The following CATSPER3 variants were observed in gnomAD, a reference collection of about 807,000 sequenced individuals.
CATSPER3 encodes cation channel sperm associated 3, also known as cation channel sperm-associated protein 3.
CATSPER3 carries 23 observed loss-of-function variants against 36.6 expected under a neutral mutation model. That is an observed-to-expected ratio of 0.63 (90% CI 0.45 to 0.89). CATSPER3 has a LOEUF of 0.89. CATSPER3 is among the 40% of genes least tolerant of loss of function. CATSPER3 has a pLI of 0.00. For synonymous variants in CATSPER3, 172 were observed against 184.1 expected, an observed-to-expected ratio of 0.93 and a Z score of 0.53; for missense variants, 474 against 503.9, an observed-to-expected ratio of 0.94 and a Z score of 0.57.
chr5:135,002,633 C>T (rs895770795), intron 3 of CATSPER3, among the ~76,000 whole-genome samples: 2 of 152,200 alleles, frequency 1.3e-5, no homozygotes, highest in Admixed American at 1.3e-4. Flanking sequence ...TTCACATAGT[C>T]CCATATTTCT....
In CATSPER3 at chr5:134,994,176, G is replaced by A. The variant is rs781072631; in HGVS notation, c.253-2097G>A. On this transcript the variant is annotated intron_variant, in intron 2 of 7. Coordinates refer to ENST00000282611, the MANE Select transcript of CATSPER3 (RefSeq NM_178019.3). ...GTCAATGTGATAAGTCGGTGTGGGAGAAGATATTTGTAACACATATAACAG... is the reference window on the plus strand; with the variant it reads ...GTCAATGTGATAAGTCGGTGTGGGAAAAGATATTTGTAACACATATAACAG... Among the ~76,000 whole-genome samples, 6 of 152,288 alleles carry A rather than the reference G, an allele frequency of 3.9e-5. No homozygotes were observed. In the South Asian group the frequency reaches 8.3e-4, roughly 21 times the overall value.
In CATSPER3 at chr5:134,986,227, C is replaced by G. The variant is rs369624523; in HGVS notation, c.253-10046C>G. Among the ~76,000 whole-genome samples the G allele has an allele frequency of 4.6e-5, 7 of 151,754 alleles. No individual in the cohort carries two copies. In the South Asian group the frequency reaches 6.3e-4, roughly 14 times the overall value. On this transcript the variant is annotated intron_variant, in intron 2 of 7. Coordinates refer to ENST00000282611, the MANE Select transcript of CATSPER3 (RefSeq NM_178019.3). Reference sequence around the variant, plus strand: ...TGGCACAATCTCAGCTCACTGCAACCTCTGACTCCTGGGTTCAAGCGATCC... The same window carrying G: ...TGGCACAATCTCAGCTCACTGCAACGTCTGACTCCTGGGTTCAAGCGATCC...
rs187252048 is a variant in CATSPER3 at position 134,997,821 on chromosome 5, G to T, written c.492+1309G>T. Reference sequence around the variant, plus strand: ...CAGCTGCCCTCTGGGCATCTCACAGGCTTCTCAAATTTGATGTGTCTAAAC... The same window carrying T: ...CAGCTGCCCTCTGGGCATCTCACAGTCTTCTCAAATTTGATGTGTCTAAAC... On this transcript the variant is annotated intron_variant, in intron 3 of 7. Transcript: ENST00000282611. Among the ~76,000 whole-genome samples, 6 of 152,032 alleles carry T rather than the reference G, an allele frequency of 3.9e-5. No homozygotes were observed. The East Asian group carries it at 1.2e-3, about 29-fold the overall frequency.
At position 135,008,927 on chromosome 5, in the gene CATSPER3, C is replaced by A; in HGVS notation, c.762C>A (p.Leu254=). ...CATTCACCATCATCTTCATCTTGCT[C>A]GCCTCTTTCATCTTCCTCAACATGT... ...SRAFTIIFIL[L]ASFIFLNMFV... The change falls in exon 5 of 8, where the codon CTC becomes CTA. Residue 254 remains leucine, a synonymous_variant. Transcript: ENST00000282611. 1 of 1,613,860 alleles carries A rather than the reference C, an allele frequency of 6.2e-7. No homozygotes were observed. The highest frequency in any genetic ancestry group is 2.2e-5 in the East Asian group (1 of 44,886).
At chr5:135,004,105 G>T (rs919030235) in intron 3 of CATSPER3, among the ~76,000 whole-genome samples, 2 of 152,158 alleles carry the variant, frequency 1.3e-5, no homozygotes, top group Non-Finnish European at 1.5e-5. Flanking sequence ...CCAGTATTTC[G>T]TCTTTTGGTA....
chr5:134,977,319 A>G (rs1407523562), intron 2 of CATSPER3, among the ~76,000 whole-genome samples: 1 of 152,178 alleles, frequency 6.6e-6, no homozygotes, highest in Non-Finnish European at 1.5e-5. Context: ...AGCAGCCAGG[A>G]CACATCTTGA....
intron 2 of CATSPER3, among the ~76,000 whole-genome samples, chr5:134,989,512 A>G (rs1481878634): frequency 6.6e-6 from 1 of 152,212 alleles, no homozygotes; most frequent in Non-Finnish European, 1.5e-5. Context: ...CAGCACTTGT[A>G]CTTTTATGTT....
intron 1 of CATSPER3, 43 bp from the exon 2 acceptor site, chr5:134,969,895 CT>C (rs767208333): frequency 1.2e-6 from 2 of 1,606,268 alleles, no homozygotes; most frequent in Non-Finnish European, 1.7e-6. Flanking sequence ...GGGGATCTAG[CT>C]CTATTGTGCT....
At position 134,996,508 on chromosome 5, in the gene CATSPER3, T is replaced by G; in HGVS notation, c.488T>G (p.Ile163Ser). 1 of 1,614,014 alleles carries G rather than the reference T, an allele frequency of 6.2e-7. No homozygotes were observed. The change falls in exon 3 of 8, where the codon ATC becomes AGC. Residue 163 changes from isoleucine to serine, a missense_variant. Physicochemically the swap from Ile to Ser is moderately radical, Grantham distance 142. Transcript: ENST00000282611. ...AAGCTTATCGGCTATAGCCAGGGCA[T>G]CCGGGTGAGTGCACTGGGGGTGTCA... ...ILKLIGYSQGIRTLITAVGQT... is the reference protein window; with the variant it reads ...ILKLIGYSQGSRTLITAVGQT...
At chr5:135,009,613 T>TGTAGAGAGC in intron 6 of CATSPER3, 123 bp downstream of exon 6, 240 of 730,064 alleles carry the variant, frequency 3.3e-4, no homozygotes, top group Non-Finnish European at 5.1e-4. Context: ...TCTGCAGCCT[T>TGTAGAGAGC]AGGTAAGACA....
At chr5:134,995,456 G>A (rs1435427982) in intron 2 of CATSPER3, among the ~76,000 whole-genome samples, 7 of 151,984 alleles carry the variant, frequency 4.6e-5, no homozygotes, top group South Asian at 2.1e-4. Flanking sequence ...CCAACCTGGC[G>A]AGTCCCTTTA....
chr5:134,973,351 T>G (rs2149545304), intron 2 of CATSPER3, among the ~76,000 whole-genome samples: 1 of 152,256 alleles, frequency 6.6e-6, no homozygotes, highest in Non-Finnish European at 1.5e-5. Flanking sequence ...TCAAAATCAT[T>G]TTCAGTAATC....
intron 2 of CATSPER3, among the ~76,000 whole-genome samples, chr5:134,976,263 A>G (rs1220147414): frequency 6.6e-6 from 1 of 152,108 alleles, no homozygotes; most frequent in Non-Finnish European, 1.5e-5. Flanking sequence ...AGCCTGAGTG[A>G]TGATCTGTGA....
intron 2 of CATSPER3, among the ~76,000 whole-genome samples, chr5:134,980,612 G>A (rs911533531): frequency 6.6e-6 from 1 of 151,442 alleles, no homozygotes; most frequent in African/African-American, 2.4e-5. Context: ...TGTATTTTTA[G>A]TAGACATGGG....
intron 2 of CATSPER3, among the ~76,000 whole-genome samples, chr5:134,994,965 C>G (rs1450030471): frequency 6.6e-6 from 1 of 150,830 alleles, no homozygotes; most frequent in African/African-American, 2.4e-5. Context: ...CTTCCTTCCT[C>G]TCTGCCTCCT....
Position 135,008,288 on chromosome 5 carries a change from C to T in CATSPER3, c.675+149C>T. The T allele has an allele frequency of 7.4e-6, 5 of 673,536 alleles. No homozygotes were observed. In the South Asian group the frequency reaches 8.9e-5, roughly 12 times the overall value. The allele number at this position is 673,536 out of a possible 1,614,324, so 41.7% of individuals were successfully genotyped here. Reference sequence around the variant, plus strand: ...CCTAGGGAAGCTGGGGTCTGTTCCCCATCACAAGCCAGCACCCTGCACGGG... The same window carrying T: ...CCTAGGGAAGCTGGGGTCTGTTCCCTATCACAAGCCAGCACCCTGCACGGG... On this transcript the variant is annotated intron_variant, in intron 4 of 7. Coordinates refer to ENST00000282611, the MANE Select transcript of CATSPER3 (RefSeq NM_178019.3).
chr5:135,009,086 A>C, intron 5 of CATSPER3, 105 bp downstream of exon 5: 1 of 1,478,162 alleles, frequency 6.8e-7, no homozygotes, highest in Non-Finnish European at 9.4e-7. Context: ...GTGTCTTCCC[A>C]ATGAAGTGGA....
At chr5:134,995,315 G>A (rs1297989498) in intron 2 of CATSPER3, among the ~76,000 whole-genome samples, 1 of 151,838 alleles carries the variant, frequency 6.6e-6, no homozygotes, top group Non-Finnish European at 1.5e-5. Context: ...GTAACCACTA[G>A]TCTACTCTCT....
At position 135,008,889 on chromosome 5, in the gene CATSPER3, G is replaced by A; in HGVS notation, c.724G>A (p.Ala242Thr). The A allele has an allele frequency of 6.2e-7, 1 of 1,614,114 alleles. No homozygotes were observed. The highest frequency in any genetic ancestry group is 8.5e-7 in the Non-Finnish European group (1 of 1,180,028). ...LQKQLDNREF[A>T]LSRAFTIIFI... ...GAAGCAGTTGGACAATCGGGAATTT[G>A]CTTTGAGCCGGGCATTCACCATCAT... The change falls in exon 5 of 8, where the codon GCT becomes ACT. Residue 242 changes from alanine (A) to threonine (T), a missense_variant. Ala to Thr is a moderately conservative substitution (Grantham distance 58). Coordinates refer to ENST00000282611, the MANE Select transcript of CATSPER3 (RefSeq NM_178019.3).
Sources: allele counts gnomAD v4.1 joint callset (sites outside exome capture counted in the v4.1 genomes callset), GRCh38; gene constraint gnomAD v4.1.1; transcripts MANE v1.5; gene names NCBI Gene and HGNC (gene_info 2026-07-23, HGNC 2026-07-21).